ASTN2: variants seen among roughly 807,000 people sequenced by gnomAD.
ASTN2 encodes astrotactin-2.
In ASTN2, 54 loss-of-function variants were observed where a neutral mutation model predicts 139.8. That is an observed-to-expected ratio of 0.39 (90% CI 0.31 to 0.48). ASTN2 has a LOEUF of 0.48. Among genes scored for constraint, ASTN2 ranks in the 20% least tolerant of loss-of-function variants. The probability of loss-of-function intolerance (pLI) is 0.95; values close to 1 mark genes in which losing one functional copy is unlikely to be tolerated. For synonymous variants in ASTN2, 756 were observed against 719.5 expected (o/e 1.05, Z -0.81); for missense variants, 1,565 against 1,725.1 (o/e 0.91, Z 1.64).
chr9:117,285,821 G>T (rs1158580545), intron 2 of ASTN2, among the ~76,000 whole-genome samples: 2 of 152,186 alleles, frequency 1.3e-5, no homozygotes, highest in Non-Finnish European at 2.9e-5. Flanking sequence ...CCTCATTGGA[G>T]GCCAGCAATA....
rs192621473 is a variant in ASTN2 at position 117,306,479 on chromosome 9, G to C, written c.443-14966C>G. On this transcript the variant is annotated intron_variant, in intron 1 of 22. Coordinates refer to ENST00000313400, the MANE Select transcript of ASTN2 (RefSeq NM_001365068.1). ...AGCCTCCTTGCTCTGCCACTGATGT[G>C]CTGTTTCACCCGGGGAACGCACTTC... Among the ~76,000 whole-genome samples, 37 of 152,224 alleles carry C rather than the reference G, an allele frequency of 2.4e-4. No individual in the cohort carries two copies. In the East Asian group the frequency reaches 6.8e-3, roughly 28 times the overall value.
At chr9:117,169,738 T>TG (rs1830748103) in intron 3 of ASTN2, among the ~76,000 whole-genome samples, 1 of 142,074 alleles carries the variant, frequency 7.0e-6, no homozygotes, top group Non-Finnish European at 1.5e-5. Flanking sequence ...CATGGTGGGG[T>TG]GGGGCAGGGG....
At chr9:117,388,596 T>C (rs1420765793) in intron 1 of ASTN2, among the ~76,000 whole-genome samples, 1 of 152,226 alleles carries the variant, frequency 6.6e-6, no homozygotes, top group Non-Finnish European at 1.5e-5. Context: ...TTGGCTTCTA[T>C]TGGTTGCAGA....
At chr9:117,195,184 G>A (rs986831108) in intron 3 of ASTN2, among the ~76,000 whole-genome samples, 1 of 152,142 alleles carries the variant, frequency 6.6e-6, no homozygotes, top group Non-Finnish European at 1.5e-5. Flanking sequence ...CAAAAGAGAG[G>A]AACTCACATA....
intron 19 of ASTN2, among the ~76,000 whole-genome samples, chr9:116,559,066 CTACTT>C (rs1435812537): frequency 1.3e-5 from 2 of 152,186 alleles, no homozygotes; most frequent in Admixed American, 1.3e-4. Flanking sequence ...TTACCCGACT[CTACTT>C]TATGTGCTTC....
At chr9:116,520,992 G>A (rs1020558277) in intron 19 of ASTN2, among the ~76,000 whole-genome samples, 11 of 151,988 alleles carry the variant, frequency 7.2e-5, no homozygotes, top group East Asian at 3.8e-4. Flanking sequence ...AAACACTGCC[G>A]AAAGAAATCA....
chr9:117,223,488 G>C (rs1832597130), intron 2 of ASTN2, among the ~76,000 whole-genome samples: 2 of 152,148 alleles, frequency 1.3e-5, no homozygotes, highest in African/African-American at 4.8e-5. Flanking sequence ...TAACAGGATA[G>C]GAAGACTTGT....
At chr9:116,689,465 T>C (rs888275776) in intron 16 of ASTN2, among the ~76,000 whole-genome samples, 1 of 152,216 alleles carries the variant, frequency 6.6e-6, no homozygotes, top group African/African-American at 2.4e-5. Context: ...ACAGTCCTTC[T>C]AAGTAGGCTC....
Position 116,440,610 on chromosome 9 carries a change from T to G in ASTN2, c.3781A>C (p.Arg1261=). 6.2e-7 allele frequency: 1 copy of G among 1,613,042 alleles called. No homozygotes were observed. Among genetic ancestry groups the G allele is most frequent in the Non-Finnish European group, 8.5e-7 (1 of 1,179,986 alleles). ...VWRSEDELGP[R]KAHLILRRLE... Reference sequence around the variant, plus strand: ...CCAATCACACAAATACGCCCATACCTGGGCCCCAGCTCATCCTCACTTCTC... The same window carrying G: ...CCAATCACACAAATACGCCCATACCGGGGCCCCAGCTCATCCTCACTTCTC... The change falls in exon 22 of 23, where the codon AGG becomes CGG. Residue 1261 remains arginine (R), a splice_region_variant and synonymous_variant. Coordinates refer to ENST00000313400, the MANE Select transcript of ASTN2 (RefSeq NM_001365068.1).
intron 1 of ASTN2, among the ~76,000 whole-genome samples, chr9:117,371,863 C>T (rs980984452): frequency 2.6e-5 from 4 of 152,034 alleles, no homozygotes; most frequent in African/African-American, 7.2e-5. Flanking sequence ...AAACCCCACC[C>T]GCCACCTTTC....
chr9:116,547,606 A>G (rs1227357908), intron 19 of ASTN2: 3 of 152,154 alleles, frequency 2.0e-5, no homozygotes, highest in Admixed American at 6.5e-5. Flanking sequence ...TGGGCAAACC[A>G]ATCATTTTTA....
At chr9:117,266,659 A>AT (rs1187839951) in intron 2 of ASTN2, among the ~76,000 whole-genome samples, 3 of 152,246 alleles carry the variant, frequency 2.0e-5, no homozygotes, top group Admixed American at 6.5e-5. Context: ...ATAAGTGTGC[A>AT]TTTTTTCTCC....
chr9:116,558,222 A>G (rs1852732593), intron 19 of ASTN2, among the ~76,000 whole-genome samples: 1 of 152,174 alleles, frequency 6.6e-6, no homozygotes, highest in Non-Finnish European at 1.5e-5. Context: ...AGACTTTCAG[A>G]TAAGATAACA....
chr9:117,310,045 G>A (rs1827925963), intron 1 of ASTN2, among the ~76,000 whole-genome samples: 1 of 152,046 alleles, frequency 6.6e-6, no homozygotes, highest in African/African-American at 2.4e-5. Context: ...TAAATAATGG[G>A]GTAACTTGAC....
chr9:116,497,764 C>A (rs551968706), intron 19 of ASTN2, among the ~76,000 whole-genome samples: 7 of 152,124 alleles, frequency 4.6e-5, no homozygotes, highest in East Asian at 1.9e-4. Context: ...TCTCCTCCCC[C>A]CCAATCACTC....
At chr9:117,140,948 T>G (rs148736155) in intron 4 of ASTN2, among the ~76,000 whole-genome samples, 305 of 152,320 alleles carry the variant, frequency 2.0e-3, no homozygotes, top group South Asian at 0.015. Flanking sequence ...GACCCCTGTT[T>G]CTGGCTCCCA....
At chr9:116,985,707 G>A (rs1458156211) in intron 7 of ASTN2, among the ~76,000 whole-genome samples, 1 of 152,240 alleles carries the variant, frequency 6.6e-6, no homozygotes, top group African/African-American at 2.4e-5. Flanking sequence ...TGGACACAGA[G>A]CATGTATTTC....
Position 117,254,150 on chromosome 9 carries a change from T to A in ASTN2, c.630+37176A>T, listed in dbSNP as rs1003165118. Reference sequence around the variant, plus strand: ...GCCTCAGATTTTTCCATCTGTCAAATGGGGCCAATAATAGGTACCATAGAA... The same window carrying A: ...GCCTCAGATTTTTCCATCTGTCAAAAGGGGCCAATAATAGGTACCATAGAA... On this transcript the variant is annotated intron_variant, in intron 2 of 22. Coordinates refer to ENST00000313400, the MANE Select transcript of ASTN2 (RefSeq NM_001365068.1). Among the ~76,000 whole-genome samples the A allele has an allele frequency of 2.0e-5, 3 of 152,098 alleles. No homozygotes were observed. In the East Asian group the frequency reaches 5.8e-4, roughly 29 times the overall value.
At chr9:117,065,537 T>A (rs10983490) in intron 5 of ASTN2, among the ~76,000 whole-genome samples, 32,773 of 152,064 alleles carry the variant, frequency 0.22, 4,029 homozygotes, top group East Asian at 0.42. Context: ...ATTTTTTAGT[T>A]ACCTGTCTCT....
Sources: allele counts gnomAD v4.1 joint callset (sites outside exome capture counted in the v4.1 genomes callset), GRCh38; gene constraint gnomAD v4.1.1; transcripts MANE v1.5; gene names NCBI Gene and HGNC (gene_info 2026-07-23, HGNC 2026-07-21).